TIMP3: variants seen among roughly 807,000 people sequenced by gnomAD.
TIMP3 encodes the protein TIMP metallopeptidase inhibitor 3.
Under a neutral mutation model 30.0 loss-of-function variants are expected in TIMP3, and 11 were observed. The ratio of observed to expected loss-of-function variants is 0.37; its 90% CI spans 0.23 to 0.61. The LOEUF (loss-of-function observed/expected upper bound fraction) is 0.61, where lower values mean the gene tolerates loss of function less well. TIMP3 is among the 20% of genes least tolerant of loss of function. The pLI is 0.70. For missense variants in TIMP3, 181 were observed against 276.8 expected (o/e 0.65, Z 2.45); for synonymous variants, 112 against 111.3 (o/e 1.01, Z -0.04).
Position 32,849,521 on chromosome 22 carries a change from T to C in TIMP3, c.191T>C (p.Ile64Thr). ...EGPFGTLVYTIKQMKMYRGFT... is the reference protein window; with the variant it reads ...EGPFGTLVYTTKQMKMYRGFT... ...CCCTTCGGCACGCTGGTCTACACCA[T>C]CAAGCAGATGAAGGTAGGTAATGTC... Residue 64 changes from isoleucine (I) to threonine (T), a missense_variant, in exon 2 of 5, where the codon ATC becomes ACC. This residue lies in a region of TIMP3 where 63 missense variants were observed against 133.3 expected (regional missense o/e 0.47). Transcript: ENST00000266085. 1 of 1,613,442 alleles carries C rather than the reference T, an allele frequency of 6.2e-7. No homozygotes were observed. The highest frequency in any genetic ancestry group is 1.7e-4 in the Middle Eastern group (1 of 6,060).
chr22:32,843,515 C>T (rs538936693), intron 1 of TIMP3, among the ~76,000 whole-genome samples: 10 of 152,268 alleles, frequency 6.6e-5, no homozygotes, highest in African/African-American at 1.7e-4. Flanking sequence ...ATGAGCACTC[C>T]GGCCTCAGCA....
chr22:32,844,584 CAT>C (rs934214109), intron 1 of TIMP3, among the ~76,000 whole-genome samples: 1 of 152,188 alleles, frequency 6.6e-6, no homozygotes, highest in African/African-American at 2.4e-5. Flanking sequence ...AAGAGGGCCC[CAT>C]ATATATTTAT....
At chr22:32,809,220 T>G (rs547965241) in intron 1 of TIMP3, among the ~76,000 whole-genome samples, 66 of 152,308 alleles carry the variant, frequency 4.3e-4, no homozygotes, top group Non-Finnish European at 8.1e-4. Context: ...CAACCTATAC[T>G]TGCTTAGCCT....
chr22:32,821,593 T>A (rs975863463), intron 1 of TIMP3, among the ~76,000 whole-genome samples: 2 of 152,192 alleles, frequency 1.3e-5, no homozygotes, highest in South Asian at 2.1e-4. Flanking sequence ...AGAATTAAGA[T>A]GATCTCAGCT....
At chr22:32,841,334 C>T (rs1453376710) in intron 1 of TIMP3, among the ~76,000 whole-genome samples, 2 of 152,078 alleles carry the variant, frequency 1.3e-5, no homozygotes, top group African/African-American at 4.8e-5. Flanking sequence ...TGTCAGGGGC[C>T]AAGGGATTGC....
At chr22:32,858,235 G>A (rs2048431046) in intron 4 of TIMP3, 97 bp downstream of exon 4, 4 of 1,552,760 alleles carry the variant, frequency 2.6e-6, no homozygotes, top group Non-Finnish European at 3.5e-6. Flanking sequence ...CCCTCGGCTG[G>A]GAAGGGTATG....
At chr22:32,858,872 C>T (rs545684782) in intron 4 of TIMP3, among the ~76,000 whole-genome samples, 18 of 152,108 alleles carry the variant, frequency 1.2e-4, no homozygotes, top group African/African-American at 1.9e-4. Context: ...CCACCTGAGA[C>T]GAAAAAGTCC....
At chr22:32,821,713 T>A (rs1005480262) in intron 1 of TIMP3, among the ~76,000 whole-genome samples, 2 of 152,194 alleles carry the variant, frequency 1.3e-5, no homozygotes, top group African/African-American at 4.8e-5. Context: ...AGGGGGTGGA[T>A]TCCTGAACCA....
At chr22:32,814,629 A>G (rs913674849) in intron 1 of TIMP3, among the ~76,000 whole-genome samples, 14 of 152,236 alleles carry the variant, frequency 9.2e-5, no homozygotes, top group African/African-American at 3.4e-4. Flanking sequence ...CCTTTAAGCC[A>G]GAGGAGATTC....
intron 2 of TIMP3, among the ~76,000 whole-genome samples, chr22:32,854,364 T>C (rs1319483511): frequency 1.3e-5 from 2 of 152,138 alleles, no homozygotes; most frequent in African/African-American, 4.8e-5. Context: ...GTTGAGTTCT[T>C]ACTGAGCAGT....
chr22:32,859,107 C>G lies in TIMP3; in HGVS notation c.439-73C>G, dbSNP rs907803398. Reference sequence around the variant, plus strand: ...CATGCAGTGGCCCCAGGGTCTGAATCCAGGCTCGGTAGCCTCAGGCCTGGG... The same window carrying G: ...CATGCAGTGGCCCCAGGGTCTGAATGCAGGCTCGGTAGCCTCAGGCCTGGG... On this transcript the variant is annotated intron_variant, in intron 4 of 4. Transcript: ENST00000266085. 2.2e-5 allele frequency: 34 copies of G among 1,534,190 alleles called. 1 individual carries two copies. Among genetic ancestry groups the G allele is most frequent in the Non-Finnish European group, 3.0e-5 (33 of 1,108,040 alleles).
Position 32,817,467 on chromosome 22 carries a change from C to T in TIMP3, c.121+15345C>T, listed in dbSNP as rs115936508. Reference sequence around the variant, plus strand: ...AAACCCCTTTTGCCCACTTGCCTGCCATTGTGATTGCTGAGTAGGGAAGAA... The same window carrying T: ...AAACCCCTTTTGCCCACTTGCCTGCTATTGTGATTGCTGAGTAGGGAAGAA... On this transcript the variant is annotated intron_variant, in intron 1 of 4. Coordinates refer to ENST00000266085, the MANE Select transcript of TIMP3 (RefSeq NM_000362.5). Among the ~76,000 whole-genome samples, 179 of 152,230 alleles carry T rather than the reference C, an allele frequency of 1.2e-3. 1 individual carries two copies. The highest frequency in any genetic ancestry group is 4.1e-3 in the African/African-American group (169 of 41,524).
chr22:32,833,650 A>G (rs1255709818), intron 1 of TIMP3, among the ~76,000 whole-genome samples: 1 of 152,204 alleles, frequency 6.6e-6, no homozygotes, highest in African/African-American at 2.4e-5. Context: ...TAGGACCCAG[A>G]GATGAGAAGT....
At chr22:32,807,363 AT>A (rs1218482670) in intron 1 of TIMP3, among the ~76,000 whole-genome samples, 6 of 89,106 alleles carry the variant, frequency 6.7e-5, no homozygotes, top group African/African-American at 1.5e-4. Context: ...ATAATATATA[AT>A]ATATATTATA....
intron 1 of TIMP3, among the ~76,000 whole-genome samples, chr22:32,840,585 G>C (rs130303): frequency 0.18 from 27,458 of 151,606 alleles, 2,976 homozygotes; most frequent in East Asian, 0.33. Flanking sequence ...CTCTGGCTTT[G>C]CTCAGAGCCC....
chr22:32,803,098 C>G (rs2046634216), intron 1 of TIMP3, among the ~76,000 whole-genome samples: 1 of 152,112 alleles, frequency 6.6e-6, no homozygotes, highest in Non-Finnish European at 1.5e-5. Context: ...GGAAACATCT[C>G]TCTCCTCCTT....
intron 1 of TIMP3, among the ~76,000 whole-genome samples, 174 bp from the exon 2 acceptor site, chr22:32,849,278 C>T (rs1022043623): frequency 8.5e-5 from 13 of 152,180 alleles, no homozygotes; most frequent in African/African-American, 3.1e-4. Context: ...CCTCCAACCT[C>T]CCTCTCACCC....
intron 1 of TIMP3, among the ~76,000 whole-genome samples, chr22:32,803,123 C>T (rs1602186683): frequency 1.3e-5 from 2 of 152,222 alleles, no homozygotes; most frequent in East Asian, 1.9e-4. Context: ...GCCCATAAAG[C>T]GTGCAAGTCC....
intron 1 of TIMP3, among the ~76,000 whole-genome samples, chr22:32,812,270 T>C (rs1019225122): frequency 6.6e-6 from 1 of 152,186 alleles, no homozygotes; most frequent in African/African-American, 2.4e-5. Flanking sequence ...GTAGGTAACT[T>C]TGTTAGAAAT....
Sources: allele counts gnomAD v4.1 joint callset (sites outside exome capture counted in the v4.1 genomes callset), GRCh38; gene constraint gnomAD v4.1.1; regional missense constraint gnomAD v4.1.1; transcripts MANE v1.5; gene names NCBI Gene and HGNC (gene_info 2026-07-23, HGNC 2026-07-21).